Variants in SP1 observed in about 807,000 individuals in gnomAD.
The protein encoded by SP1 is transcription factor Sp1.
A neutral mutation model predicts 66.3 loss-of-function variants in SP1; 6 were observed. The observed-to-expected ratio is 0.09, with a 90% CI of 0.05 to 0.18. SP1 has a LOEUF of 0.18. SP1 is among the 10% of genes least tolerant of loss of function. The pLI, the probability that SP1 is intolerant of heterozygous loss-of-function variation, is 1.00. For missense variants in SP1, 848 were observed against 964.5 expected (o/e 0.88, Z 1.60); for synonymous variants, 417 against 360.8 (o/e 1.16, Z -1.77).
intron 3 of SP1, 62 bp downstream of exon 3, chr12:53,383,684 A>C (rs969678450): frequency 7.2e-7 from 1 of 1,383,438 alleles, no homozygotes; most frequent in African/African-American, 1.4e-5. Context: ...CTGAAACTTG[A>C]GTCTAAAGAA....
intron 1 of SP1, chr12:53,380,540 C>A: frequency 3.1e-6 from 2 of 636,168 alleles, no homozygotes; most frequent in Non-Finnish European, 2.1e-6. Context: ...CCGCCCCCTG[C>A]CCGCCCCGGC....
intron 4 of SP1, among the ~76,000 whole-genome samples, 181 bp from the exon 5 acceptor site, chr12:53,409,181 T>A (rs1259102615): frequency 2.0e-5 from 3 of 151,860 alleles, no homozygotes. Context: ...GCCGTGATCA[T>A]GCTACTGTAC....
rs1442866416 is a variant in SP1, at chr12:53,415,454, C to T, written c.*4214C>T. ...CTCTGGCTTTATTACTCCCCTAAGTCTTTACTCTGACTTCCCCAAACCCAG... is the reference window on the plus strand; with the variant it reads ...CTCTGGCTTTATTACTCCCCTAAGTTTTTACTCTGACTTCCCCAAACCCAG... On this transcript the variant is annotated 3_prime_UTR_variant, in exon 6 of 6. Transcript: ENST00000327443. The T allele has an allele frequency of 6.6e-6, 1 of 152,268 alleles. No homozygotes were observed. The highest frequency in any genetic ancestry group is 1.5e-5 in the Non-Finnish European group (1 of 68,010). The allele number at this position is 152,268 out of a possible 1,614,324, so 9.4% of individuals were successfully genotyped here.
rs571047421 is a variant in SP1, at chr12:53,408,672, C to T, written c.1845-690C>T. Among the ~76,000 whole-genome samples, 289 of 144,372 alleles carry T rather than the reference C, an allele frequency of 2.0e-3. 2 individuals are homozygous for T. The highest frequency in any genetic ancestry group is 3.1e-3 in the Admixed American group (46 of 14,660). 94.7% of individuals were successfully genotyped at this position (144,372 alleles called of 152,430 possible). ...CTGTAATCCCAGCACTTTGGGAGGC[C>T]GAGGTGGGTGGATCACAAGGTCAGG... On this transcript the variant is annotated intron_variant, in intron 4 of 5. Coordinates refer to ENST00000327443, the MANE Select transcript of SP1 (RefSeq NM_138473.3).
At chr12:53,401,489 T>A (rs1938609843) in intron 3 of SP1, among the ~76,000 whole-genome samples, 1 of 147,258 alleles carries the variant, frequency 6.8e-6, no homozygotes. Flanking sequence ...CTTTGAATGC[T>A]CTTATCTATT....
At position 53,382,157 on chromosome 12, in the gene SP1, A is replaced by G; in HGVS notation, c.210A>G (p.Arg70=). ...PLALLAATCS[R]IESPNENSNN... Reference sequence around the variant, plus strand: ...CTCTGCTGGCAGCAACTTGCAGCAGAATTGAGTCACCCAATGAGAACAGCA... The same window carrying G: ...CTCTGCTGGCAGCAACTTGCAGCAGGATTGAGTCACCCAATGAGAACAGCA... Residue 70 remains arginine, a synonymous_variant, in exon 3 of 6, where the codon AGA becomes AGG. Transcript: ENST00000327443. 1 of 1,614,132 alleles carries G rather than the reference A, an allele frequency of 6.2e-7. No individual in the cohort carries two copies. The highest frequency in any genetic ancestry group is 1.7e-5 in the Admixed American group (1 of 60,014).
intron 3 of SP1, among the ~76,000 whole-genome samples, chr12:53,405,689 G>C (rs1406851906): frequency 7.0e-6 from 1 of 142,674 alleles, no homozygotes; most frequent in Admixed American, 6.7e-5. Flanking sequence ...AAAAGAGAGA[G>C]AGAGAGAAGG....
Position 53,411,278 on chromosome 12 carries a change from C to G in SP1, c.*38C>G. ...GGGGCCAGAGACATATGGGCCATACCCCTTAACCCCGGGATGCAAGGTAGC... is the reference window on the plus strand; with the variant it reads ...GGGGCCAGAGACATATGGGCCATACGCCTTAACCCCGGGATGCAAGGTAGC... On this transcript the variant is annotated 3_prime_UTR_variant, in exon 6 of 6. Transcript: ENST00000327443. 6.5e-7 allele frequency: 1 copy of G among 1,535,810 alleles called. No homozygotes were observed.
intron 3 of SP1, among the ~76,000 whole-genome samples, chr12:53,388,584 A>G (rs1157776530): frequency 6.6e-6 from 1 of 152,108 alleles, no homozygotes; most frequent in Non-Finnish European, 1.5e-5. Flanking sequence ...ATTGTGTAGT[A>G]TTTCCCCTTT....
At chr12:53,404,616 G>A (rs1201449025) in intron 3 of SP1, among the ~76,000 whole-genome samples, 5 of 151,710 alleles carry the variant, frequency 3.3e-5, no homozygotes, top group Non-Finnish European at 7.4e-5. Context: ...AATGTCAAAT[G>A]TGACCAACTG....
Position 53,410,910 on chromosome 12 carries a change from T to C in SP1, c.2045-17T>C. ...TTCCTAACATGTCAGCTTCTTATCTTTTCTTCCTTTACCTAGGTGAGAAGA... is the reference window on the plus strand; with the variant it reads ...TTCCTAACATGTCAGCTTCTTATCTCTTCTTCCTTTACCTAGGTGAGAAGA... On this transcript the variant is annotated splice_polypyrimidine_tract_variant and intron_variant, in intron 5 of 5. Coordinates refer to ENST00000327443, the MANE Select transcript of SP1 (RefSeq NM_138473.3). The C allele has an allele frequency of 6.3e-7, 1 of 1,596,908 alleles. No homozygotes were observed. Among genetic ancestry groups the C allele is most frequent in the Non-Finnish European group, 8.6e-7 (1 of 1,168,684 alleles).
At chr12:53,400,405 A>G (rs181461495) in intron 3 of SP1, among the ~76,000 whole-genome samples, 2 of 152,186 alleles carry the variant, frequency 1.3e-5, no homozygotes, top group East Asian at 3.9e-4. Context: ...TTGTTTATTC[A>G]TTCACCAGTT....
At chr12:53,396,539 G>T (rs1397189110) in intron 3 of SP1, among the ~76,000 whole-genome samples, 4 of 152,178 alleles carry the variant, frequency 2.6e-5, no homozygotes, top group Non-Finnish European at 5.9e-5. Flanking sequence ...CTGCACTCCA[G>T]CCTGGGCGAC....
At position 53,382,332 on chromosome 12, in the gene SP1, A is replaced by G. The variant is rs1817808305; in HGVS notation, c.385A>G (p.Asn129Asp). 1.2e-6 allele frequency: 2 copies of G among 1,614,154 alleles called. No individual in the cohort carries two copies. The highest frequency in any genetic ancestry group is 1.7e-6 in the Non-Finnish European group (2 of 1,180,026). ...AAAGGAACAGAGTGGCAGCAGTACC[A>G]ATGGCAGCAATGGCAGTGAGTCTTC... ...TSKEQSGSST[N>D]GSNGSESSKN... Residue 129 changes from asparagine to aspartate, a missense_variant, in exon 3 of 6, where the codon AAT (asparagine) becomes GAT (aspartate). Physicochemically the swap from Asn to Asp is conservative, Grantham distance 23. This residue lies in a region of SP1 where 606 missense variants were observed against 589.9 expected (regional missense o/e 1.03). Coordinates refer to ENST00000327443, the MANE Select transcript of SP1 (RefSeq NM_138473.3).
In SP1 at chr12:53,383,401, C is replaced by T; in HGVS notation, c.1454C>T (p.Ala485Val). The T allele has an allele frequency of 1.2e-6, 2 of 1,614,212 alleles. No homozygotes were observed. Among genetic ancestry groups the T allele is most frequent in the Non-Finnish European group, 1.7e-6 (2 of 1,180,034 alleles). The change falls in exon 3 of 6, where the codon GCC becomes GTC. Residue 485 changes from alanine (A) to valine (V), a missense_variant. Transcript: ENST00000327443. ...CCACAAGCCCAAACAATCACCTTAG[C>T]CCCAATGCAGGGTGTTTCCTTGGGG... ...QNPQAQTITL[A>V]PMQGVSLGQT...
intron 3 of SP1, among the ~76,000 whole-genome samples, chr12:53,388,086 T>A (rs543376059): frequency 6.6e-6 from 1 of 152,322 alleles, no homozygotes; most frequent in East Asian, 1.9e-4. Context: ...TTTTATAAAC[T>A]AAACATTTAT....
chr12:53,411,428 CTT>C lies in SP1; in HGVS notation c.*190_*191del, dbSNP rs1592575249. On this transcript the variant is annotated 3_prime_UTR_variant, in exon 6 of 6. Transcript: ENST00000327443. ...GCACCCATCTGTATCATCAGTGCCT[CTT>C]TGAAGGTGGGAAACATTAGTGAAAA... 4 of 512,768 alleles carry C rather than the reference CTT, an allele frequency of 7.8e-6. No homozygotes were observed. Among genetic ancestry groups the C allele is most frequent in the Non-Finnish European group, 1.4e-5 (4 of 293,832 alleles). 31.8% of individuals were successfully genotyped at this position (512,768 alleles called of 1,614,324 possible).
intron 1 of SP1, 34 bp from the exon 2 acceptor site, chr12:53,381,625 C>T: frequency 6.4e-7 from 1 of 1,566,766 alleles, no homozygotes; most frequent in South Asian, 1.2e-5. Flanking sequence ...TTTCTTCCCT[C>T]AAGTTTACGT....
chr12:53,414,562 A>G lies in SP1; in HGVS notation c.*3322A>G, dbSNP rs1004810326. 6.6e-6 allele frequency: 1 copy of G among 152,578 alleles called. No homozygotes were observed. Among genetic ancestry groups the G allele is most frequent in the Non-Finnish European group, 1.5e-5 (1 of 68,028 alleles). 9.5% of individuals were successfully genotyped at this position (152,578 alleles called of 1,614,324 possible). ...AGCTGTAAATTACTATGGCTGATTT[A>G]TTTCTACTATATACATATATATTTT... is the stretch of plus-strand genomic sequence containing the variant. On this transcript the variant is annotated 3_prime_UTR_variant, in exon 6 of 6. Transcript: ENST00000327443.
Sources: gnomAD v4.1 joint callset for allele counts (sites outside exome capture counted in the v4.1 genomes callset) on GRCh38, gnomAD v4.1.1 for gene constraint, gnomAD v4.1.1 regional missense constraint, MANE v1.5 for transcripts, NCBI Gene and HGNC (gene_info 2026-07-23, HGNC 2026-07-21) for gene names.